CHLSN: variants seen among roughly 807,000 people sequenced by gnomAD.
CHLSN encodes the protein protein cholesin.
the CHLSN span, among the ~76,000 whole-genome samples, chr7:1,107,255 C>T: frequency 6.6e-6 from 1 of 152,164 alleles, no homozygotes; most frequent in Non-Finnish European, 1.5e-5. Flanking sequence ...GTGGGCACTC[C>T]ACAGCCCGCC....
the CHLSN span, among the ~76,000 whole-genome samples, chr7:1,004,611 G>T: frequency 3.4e-4 from 52 of 152,300 alleles, no homozygotes; most frequent in South Asian, 5.8e-3. Flanking sequence ...CCTCGTCACT[G>T]GGGGAGCAGA....
the CHLSN span, among the ~76,000 whole-genome samples, chr7:1,111,924 G>A: frequency 9.3e-4 from 142 of 152,200 alleles, no homozygotes; most frequent in Non-Finnish European, 1.5e-3. Context: ...TGCTACAGAC[G>A]TTAACCACGG....
the CHLSN span, among the ~76,000 whole-genome samples, chr7:1,096,025 G>T: frequency 2.0e-5 from 3 of 152,324 alleles, no homozygotes; most frequent in Admixed American, 2.0e-4. This position sits in a 1 kb window ranked among gnomAD's most constrained non-coding sequence, Gnocchi z 4.6. Flanking sequence ...GCATCAATCA[G>T]GGACGGGACT....
At chr7:1,008,321 C>T in the CHLSN span, among the ~76,000 whole-genome samples, 1 of 152,210 alleles carries the variant, frequency 6.6e-6, no homozygotes, top group Non-Finnish European at 1.5e-5. Context: ...ACTGACCCTG[C>T]GGTGGCTTGT....
At chr7:993,287 G>A in the CHLSN span, among the ~76,000 whole-genome samples, 44 of 152,314 alleles carry the variant, frequency 2.9e-4, no homozygotes, top group Admixed American at 2.6e-3. Context: ...CACGGCGCCC[G>A]GCCAGGGCCT....
the CHLSN span, among the ~76,000 whole-genome samples, chr7:985,557 C>T: frequency 2.6e-5 from 4 of 152,226 alleles, no homozygotes; most frequent in Non-Finnish European, 4.4e-5. Context: ...CCCCCACGCC[C>T]TCATCAGTAA....
At chr7:1,057,036 G>A in the CHLSN span, among the ~76,000 whole-genome samples, 2 of 152,130 alleles carry the variant, frequency 1.3e-5, no homozygotes, top group Non-Finnish European at 2.9e-5. Flanking sequence ...CAAGGCACCG[G>A]GTCCTGAGCT....
the CHLSN span, among the ~76,000 whole-genome samples, chr7:1,106,335 A>G: frequency 1.3e-5 from 2 of 152,290 alleles, no homozygotes; most frequent in East Asian, 3.9e-4. Flanking sequence ...ACCCAGCCAG[A>G]GCGAAACCCC....
At chr7:1,054,141 C>G in the CHLSN span, among the ~76,000 whole-genome samples, 1 of 152,248 alleles carries the variant, frequency 6.6e-6, no homozygotes, top group African/African-American at 2.4e-5. Context: ...GCAGCCCGCC[C>G]CAGCTGCCTT....
the CHLSN span, among the ~76,000 whole-genome samples, chr7:1,122,607 G>A: frequency 1.3e-5 from 2 of 152,222 alleles, no homozygotes; most frequent in Non-Finnish European, 2.9e-5. Flanking sequence ...CCCAAGGGAT[G>A]CTGGGCAGCA....
the CHLSN span, among the ~76,000 whole-genome samples, chr7:1,135,996 A>AAT: frequency 1.2e-4 from 15 of 122,324 alleles, no homozygotes; most frequent in African/African-American, 3.4e-4. Flanking sequence ...AGCATATATA[A>AAT]ATATATATAT....
the CHLSN span, among the ~76,000 whole-genome samples, chr7:1,063,814 G>A: frequency 1.3e-5 from 2 of 152,222 alleles, no homozygotes; most frequent in African/African-American, 4.8e-5. Context: ...GGTTTGATCT[G>A]AATGTGGGCC....
the CHLSN span, among the ~76,000 whole-genome samples, chr7:1,121,872 C>T: frequency 6.6e-6 from 1 of 151,892 alleles, no homozygotes; most frequent in Non-Finnish European, 1.5e-5. Context: ...ACTGCACTCA[C>T]ACAGGGCAGC....
the CHLSN span, among the ~76,000 whole-genome samples, chr7:1,075,288 C>T: frequency 6.6e-6 from 1 of 152,084 alleles, no homozygotes; most frequent in Non-Finnish European, 1.5e-5. Flanking sequence ...CCAAGGTGGG[C>T]GGATCACAAG....
At chr7:1,121,927 C>T in the CHLSN span, among the ~76,000 whole-genome samples, 1 of 152,064 alleles carries the variant, frequency 6.6e-6, no homozygotes, top group Non-Finnish European at 1.5e-5. Flanking sequence ...GCGTGCTGCA[C>T]CCACCCACTG....
chr7:1,083,291 G>A, the CHLSN span, among the ~76,000 whole-genome samples: 13 of 152,346 alleles, frequency 8.5e-5, no homozygotes, highest in African/African-American at 2.9e-4. Flanking sequence ...GATGGTCTCT[G>A]AGTGCAGCAA....
the CHLSN span, among the ~76,000 whole-genome samples, chr7:1,054,500 G>A: frequency 2.0e-5 from 3 of 152,364 alleles, no homozygotes; most frequent in African/African-American, 7.2e-5. Context: ...GGTTCAGGGC[G>A]AGTGGGACGC....
chr7:1,020,749 G>A, the CHLSN span, among the ~76,000 whole-genome samples: 33 of 152,326 alleles, frequency 2.2e-4, no homozygotes, highest in East Asian at 3.7e-3. Context: ...CATCACTGCC[G>A]TCTGCTGACC....
the CHLSN span, among the ~76,000 whole-genome samples, chr7:1,055,912 G>A: frequency 6.6e-6 from 1 of 152,208 alleles, no homozygotes; most frequent in Non-Finnish European, 1.5e-5. Context: ...GGAGTCTGGG[G>A]GGTGACGTCC....
Sources: allele counts gnomAD v4.1 joint callset (sites outside exome capture counted in the v4.1 genomes callset), GRCh38; gene constraint gnomAD v4.1.1; non-coding constraint Gnocchi (gnomAD v3.1); transcripts MANE v1.5; gene names NCBI Gene and HGNC (gene_info 2026-07-23, HGNC 2026-07-21).